NSD3: variants seen among roughly 807,000 people sequenced by gnomAD.
NSD3 encodes the protein nuclear receptor binding SET domain protein 3.
Under a neutral mutation model 160.8 loss-of-function variants are expected in NSD3, and 24 were observed. The observed-to-expected ratio is 0.15, with a 90% CI of 0.11 to 0.21. The LOEUF is 0.21. Ranked by LOEUF, NSD3 falls within the 10% of genes least tolerant of loss-of-function variation. The pLI is 1.00. For synonymous variants in NSD3, 520 were observed against 600.0 expected, an observed-to-expected ratio of 0.87 and a Z score of 1.95; for missense variants, 1,157 against 1,735.9, an observed-to-expected ratio of 0.67 and a Z score of 5.93.
intron 14 of NSD3, among the ~76,000 whole-genome samples, chr8:38,304,317 A>C (rs1035988943): frequency 1.3e-5 from 2 of 152,242 alleles, no homozygotes; most frequent in African/African-American, 4.8e-5. Flanking sequence ...CAGAAAAACT[A>C]AGAACTTAAC....
In NSD3 at chr8:38,338,572, T is replaced by C; in HGVS notation, c.711A>G (p.Lys237=). The change falls in exon 3 of 24, where the codon AAA becomes AAG. Residue 237 remains lysine, a synonymous_variant. Transcript: ENST00000317025. ...CTTTTAGTACTGGTTCTTCCCTTGG[T>C]TTTTCTGATACAGTGTCAACCCTCT... ...PNERVDTVSE[K]PREEPVLKEE... 6.2e-7 allele frequency: 1 copy of C among 1,613,882 alleles called. No individual in the cohort carries two copies. The highest frequency in any genetic ancestry group is 8.5e-7 in the Non-Finnish European group (1 of 1,179,914).
At chr8:38,343,716 T>A (rs930580211) in intron 2 of NSD3, among the ~76,000 whole-genome samples, 1 of 152,048 alleles carries the variant, frequency 6.6e-6, no homozygotes, top group Non-Finnish European at 1.5e-5. Flanking sequence ...AATAAACACA[T>A]AAAATCAAAT....
chr8:38,334,252 CATT>C (rs1225382685), intron 4 of NSD3, among the ~76,000 whole-genome samples: 2 of 152,118 alleles, frequency 1.3e-5, no homozygotes, highest in Admixed American at 6.5e-5. Flanking sequence ...ACCTCAAAAA[CATT>C]ATGGTAAGTG....
intron 22 of NSD3, among the ~76,000 whole-genome samples, chr8:38,277,233 C>T (rs1472138864): frequency 6.6e-5 from 10 of 152,144 alleles, no homozygotes; most frequent in Non-Finnish European, 1.3e-4. Context: ...TGAGCCACTG[C>T]GCCTGGCCTT....
chr8:38,276,326 G>A lies in NSD3; in HGVS notation c.4042C>T (p.Leu1348=). The A allele has an allele frequency of 6.2e-7, 1 of 1,614,240 alleles. No individual in the cohort carries two copies. The change falls in exon 23 of 24, where the codon CTA becomes TTA. Residue 1348 remains leucine (L), a synonymous_variant. Coordinates refer to ENST00000317025, the MANE Select transcript of NSD3 (RefSeq NM_023034.2). ...KKDCPKAYHL[L]CLNLTQPPYG... ...GGTGGCTGAGTCAGGTTAAGGCATA[G>A]GAGGTGGTATGCTTTGGGACAGTCT... is the stretch of plus-strand genomic sequence containing the variant.
At position 38,316,911 on chromosome 8, in the gene NSD3, A is replaced by G; in HGVS notation, c.1856-869T>C. ...GGCTAATGCAGTATAGGCTATACAG[A>G]AACAGCCACGATGAAATGTGCAGAT... On this transcript the variant is annotated intron_variant, in intron 9 of 23. Coordinates refer to ENST00000317025, the MANE Select transcript of NSD3 (RefSeq NM_023034.2). The surrounding 1 kb of genome is among the most constrained non-coding windows in gnomAD (Gnocchi z 4.5). 2 of 1,062,944 alleles carry G rather than the reference A, an allele frequency of 1.9e-6. No homozygotes were observed. Among genetic ancestry groups the G allele is most frequent in the Non-Finnish European group, 1.1e-6 (1 of 877,578 alleles). The allele number at this position is 1,062,944 out of a possible 1,614,324, so 65.8% of individuals were successfully genotyped here. A position where few individuals can be genotyped will look rare whatever the true frequency, so the allele number is the denominator to read the frequency against.
chr8:38,334,113 G>GT (rs1410184554), intron 4 of NSD3, among the ~76,000 whole-genome samples: 4 of 152,062 alleles, frequency 2.6e-5, no homozygotes, highest in African/African-American at 7.2e-5. Context: ...TTTAGGCTGT[G>GT]TTTTTTTGGT....
Position 38,288,484 on chromosome 8 carries a change from T to C in NSD3, c.3501+3A>G. The C allele has an allele frequency of 1.9e-6, 3 of 1,613,356 alleles. No individual in the cohort carries two copies. Among genetic ancestry groups the C allele is most frequent in the Non-Finnish European group, 2.5e-6 (3 of 1,179,336 alleles). On this transcript the variant is annotated splice_donor_region_variant and intron_variant, in intron 19 of 23. Transcript: ENST00000317025. This position sits in a 1 kb window ranked among gnomAD's most constrained non-coding sequence, Gnocchi z 4.5. ...TCCACCCCCCACCACCATCCCATGC[T>C]ACCTTCTTAATGCTCCTTTTGGTCC...
rs1324956516 is a variant in NSD3 at position 38,319,832 on chromosome 8, T to C, written c.1810-892A>G. ...ACAGAAACGCTTTTATAAGATACAA[T>C]TAGTAATACAAATATAAAATCTTCT... On this transcript the variant is annotated intron_variant, in intron 8 of 23. Coordinates refer to ENST00000317025, the MANE Select transcript of NSD3 (RefSeq NM_023034.2). This position sits in a 1 kb window ranked among gnomAD's most constrained non-coding sequence, Gnocchi z 4.1. The C allele has an allele frequency of 6.6e-6, 1 of 152,188 alleles. No homozygotes were observed. Among genetic ancestry groups the C allele is most frequent in the Non-Finnish European group, 1.5e-5 (1 of 68,024 alleles). The allele number at this position is 152,188 out of a possible 1,614,324, so 9.4% of individuals were successfully genotyped here. A position where few individuals can be genotyped will look rare whatever the true frequency, so the allele number is the denominator to read the frequency against.
intron 1 of NSD3, among the ~76,000 whole-genome samples, chr8:38,362,599 G>C (rs890692772): frequency 6.6e-6 from 1 of 152,094 alleles, no homozygotes; most frequent in East Asian, 1.9e-4. Flanking sequence ...ATCCAAAAGA[G>C]TCACGACTTG....
At chr8:38,373,934 C>CAAAAAAAA (rs61532119) in intron 1 of NSD3, among the ~76,000 whole-genome samples, 3 of 25,128 alleles carry the variant, frequency 1.2e-4, no homozygotes, top group Admixed American at 4.4e-4. Flanking sequence ...TCTGTCTCTA[C>CAAAAAAAA]AAAAAAAAAA....
At chr8:38,379,195 TCGTATATGAATA>T (rs1811478933) in intron 1 of NSD3, among the ~76,000 whole-genome samples, 2 of 152,270 alleles carry the variant, frequency 1.3e-5, no homozygotes, top group South Asian at 4.1e-4. Context: ...GTAGGCTTCT[TCGTATATGAATA>T]CCTGTCCAAG....
chr8:38,299,663 A>C, intron 14 of NSD3, 73 bp from the exon 15 acceptor site: 1 of 1,415,524 alleles, frequency 7.1e-7, no homozygotes, highest in Non-Finnish European at 9.3e-7. Context: ...AAATAAACCA[A>C]CACCTATTAT....
rs899914428 is a variant in NSD3 at position 38,314,562 on chromosome 8, A to G, written c.2242+85T>C. On this transcript the variant is annotated intron_variant, in intron 12 of 23. Transcript: ENST00000317025. ...GAGGGCTAATAAAAGTGATGGGAAC[A>G]AGATGTCCTAGGAGAGGTTGTCAGT... is the stretch of plus-strand genomic sequence containing the variant. The G allele has an allele frequency of 1.1e-4, 173 of 1,554,528 alleles. 1 individual carries two copies. The highest frequency in any genetic ancestry group is 1.2e-4 in the Non-Finnish European group (135 of 1,143,444).
At chr8:38,290,394 A>G in intron 17 of NSD3, 81 bp downstream of exon 17, 1 of 1,405,566 alleles carries the variant, frequency 7.1e-7, no homozygotes. Context: ...TAATACCAGA[A>G]ATATTAGGGA....
intron 16 of NSD3, among the ~76,000 whole-genome samples, chr8:38,293,715 G>C (rs906969603): frequency 6.6e-6 from 1 of 151,248 alleles, no homozygotes; most frequent in Non-Finnish European, 1.5e-5. Context: ...CTGAGGTCAG[G>C]AGTTCGAGAC....
chr8:38,301,137 G>A (rs902572893), intron 14 of NSD3, among the ~76,000 whole-genome samples: 4 of 151,972 alleles, frequency 2.6e-5, no homozygotes, highest in Non-Finnish European at 4.4e-5. Flanking sequence ...GCCTGGCTAC[G>A]TTTTTGATTT....
At chr8:38,314,876 G>A in intron 11 of NSD3, 103 bp from the exon 12 acceptor site, 2 of 1,290,326 alleles carry the variant, frequency 1.5e-6, no homozygotes, top group South Asian at 2.7e-5. Flanking sequence ...CCCACAGACT[G>A]TGATTCAGTA....
At position 38,375,116 on chromosome 8, in the gene NSD3, G is replaced by T. The variant is rs186314840; in HGVS notation, c.-45+6683C>A. ...AATTCTACCAAACACCTCAGAAGAT[G>T]CCACATAAATGTAAGGTATTATTCA... On this transcript the variant is annotated intron_variant, in intron 1 of 23. Transcript: ENST00000317025. 1.5e-3 allele frequency among the ~76,000 whole-genome samples: 233 copies of T among 152,298 alleles called. 1 individual carries two copies. Among genetic ancestry groups the T allele is most frequent in the Non-Finnish European group, 2.5e-3 (167 of 68,010 alleles).
Sources: gnomAD v4.1 joint callset for allele counts (sites outside exome capture counted in the v4.1 genomes callset) on GRCh38, gnomAD v4.1.1 for gene constraint, Gnocchi (gnomAD v3.1) non-coding constraint, MANE v1.5 for transcripts, NCBI Gene and HGNC (gene_info 2026-07-23, HGNC 2026-07-21) for gene names.